The following ST6GAL2 variants were observed in gnomAD, a reference collection of about 807,000 sequenced individuals.
The protein encoded by ST6GAL2 is ST6 beta-galactoside alpha-2,6-sialyltransferase 2, also known as beta-galactoside alpha-2,6-sialyltransferase 2.
In ST6GAL2, 24 loss-of-function variants were observed where a neutral mutation model predicts 37.5. That is an observed-to-expected ratio of 0.64 (90% CI 0.46 to 0.90). ST6GAL2 has a LOEUF of 0.90. Ranked by LOEUF, ST6GAL2 falls within the 40% of genes least tolerant of loss-of-function variation. The probability of loss-of-function intolerance (pLI) is 0.00; values close to 1 mark genes in which losing one functional copy is unlikely to be tolerated. For synonymous variants in ST6GAL2, 306 were observed against 295.1 expected, an observed-to-expected ratio of 1.04 and a Z score of -0.38; for missense variants, 715 against 712.7, an observed-to-expected ratio of 1.00 and a Z score of -0.04.
At chr2:106,866,462 T>G (rs546271347) in intron 1 of ST6GAL2, among the ~76,000 whole-genome samples, 1 of 152,210 alleles carries the variant, frequency 6.6e-6, no homozygotes, top group Non-Finnish European at 1.5e-5. Flanking sequence ...TGATGCCTCA[T>G]GAGCACAGGA....
chr2:106,886,580 GC>G (rs1679006353), upstream of ST6GAL2: 2 of 151,908 alleles, frequency 1.3e-5, no homozygotes, highest in Admixed American at 1.3e-4. Context: ...GGCTCCCGCG[GC>G]CAGAGGAACC....
At chr2:106,880,384 T>C (rs538708356) in intron 1 of ST6GAL2, among the ~76,000 whole-genome samples, 2 of 152,280 alleles carry the variant, frequency 1.3e-5, no homozygotes, top group Admixed American at 1.3e-4. Flanking sequence ...AGCTAACCAA[T>C]ATGTAGGATT....
chr2:106,861,250 A>G (rs543140233), intron 1 of ST6GAL2, among the ~76,000 whole-genome samples: 1 of 152,320 alleles, frequency 6.6e-6, no homozygotes, highest in East Asian at 1.9e-4. Context: ...TCCATATTAA[A>G]CAAGTAATCT....
chr2:106,874,927 G>T (rs997638593), intron 1 of ST6GAL2, among the ~76,000 whole-genome samples: 1 of 152,156 alleles, frequency 6.6e-6, no homozygotes, highest in Non-Finnish European at 1.5e-5. Context: ...GAACCTTAAC[G>T]CTGTGTCAAC....
intron 1 of ST6GAL2, among the ~76,000 whole-genome samples, chr2:106,875,996 C>T (rs1038254138): frequency 2.6e-5 from 4 of 152,090 alleles, no homozygotes; most frequent in African/African-American, 9.7e-5. Context: ...GATGAGGTCT[C>T]GTTCTGTCCC....
chr2:106,846,660 G>A (rs1677155957), intron 1 of ST6GAL2, among the ~76,000 whole-genome samples: 1 of 152,112 alleles, frequency 6.6e-6, no homozygotes, highest in Non-Finnish European at 1.5e-5. Flanking sequence ...TTTAAACTGT[G>A]TTTACTTTAT....
chr2:106,837,873 T>A (rs1482318440), intron 2 of ST6GAL2, among the ~76,000 whole-genome samples: 1 of 152,216 alleles, frequency 6.6e-6, no homozygotes, highest in Non-Finnish European at 1.5e-5. Context: ...TAACGCAGTG[T>A]AATTCCTTTG....
intron 1 of ST6GAL2, among the ~76,000 whole-genome samples, chr2:106,863,768 G>A (rs968831724): frequency 4.6e-5 from 7 of 152,202 alleles, no homozygotes; most frequent in Non-Finnish European, 8.8e-5. Context: ...TGTGGGGATC[G>A]ATAGAGACTG....
At chr2:106,813,213 T>C in intron 5 of ST6GAL2, 3 of 1,374,490 alleles carry the variant, frequency 2.2e-6, no homozygotes, top group Non-Finnish European at 2.8e-6. Context: ...TGGCCAATTT[T>C]TACAAATGAG....
rs10221796 is a variant in ST6GAL2 at position 106,852,585 on chromosome 2, C to G, written c.-57-8551G>C. Among the ~76,000 whole-genome samples the G allele has an allele frequency of 9.1e-4, 138 of 152,332 alleles. 1 individual carries two copies. The highest frequency in any genetic ancestry group is 3.2e-3 in the African/African-American group (132 of 41,574). On this transcript the variant is annotated intron_variant, in intron 1 of 5. Coordinates refer to ENST00000409382, the MANE Select transcript of ST6GAL2 (RefSeq NM_001142351.2). ...GCCTGTGGAAGGTTCCCAGTAAATACTCCTGCAATCAATGAATGTCTGAAA... is the reference window on the plus strand; with the variant it reads ...GCCTGTGGAAGGTTCCCAGTAAATAGTCCTGCAATCAATGAATGTCTGAAA...
intron 1 of ST6GAL2, among the ~76,000 whole-genome samples, chr2:106,867,737 T>G (rs925231011): frequency 2.0e-5 from 3 of 151,956 alleles, no homozygotes; most frequent in Non-Finnish European, 4.4e-5. Flanking sequence ...GAGCACTGGT[T>G]GTAAGTAGGC....
chr2:106,818,309 AGT>A lies in ST6GAL2; in HGVS notation c.1319-11362_1319-11361del, dbSNP rs374558875. ...TTCAAAACTTATCCAGTACAGTCCC[AGT>A]GATGGTGGTCACAGAGGTGCTTTTG... is the stretch of plus-strand genomic sequence containing the variant. On this transcript the variant is annotated intron_variant, in intron 5 of 5. Transcript: ENST00000409382. 2.5e-3 allele frequency among the ~76,000 whole-genome samples: 385 copies of A among 152,346 alleles called. 2 individuals carry two copies. Among genetic ancestry groups the A allele is most frequent in the African/African-American group, 8.8e-3 (364 of 41,590 alleles).
chr2:106,874,004 G>C (rs1678388750), intron 1 of ST6GAL2, among the ~76,000 whole-genome samples: 1 of 152,210 alleles, frequency 6.6e-6, no homozygotes. Context: ...GGAGTGGACA[G>C]CCATCCTTTC....
intron 5 of ST6GAL2, among the ~76,000 whole-genome samples, chr2:106,817,186 G>T (rs777363109): frequency 3.3e-5 from 5 of 152,210 alleles, no homozygotes; most frequent in Non-Finnish European, 7.3e-5. Context: ...GCTGTGCTGG[G>T]CTCAGAGCCA....
At chr2:106,860,998 G>A (rs1334001716) in intron 1 of ST6GAL2, among the ~76,000 whole-genome samples, 1 of 152,140 alleles carries the variant, frequency 6.6e-6, no homozygotes, top group East Asian at 1.9e-4. Flanking sequence ...ACACACTTAG[G>A]AGGCACCCCC....
intron 1 of ST6GAL2, among the ~76,000 whole-genome samples, chr2:106,880,077 T>A (rs943246701): frequency 6.6e-6 from 1 of 151,452 alleles, no homozygotes; most frequent in East Asian, 1.9e-4. Context: ...TCTATACATA[T>A]ATTGACATAC....
intron 1 of ST6GAL2, among the ~76,000 whole-genome samples, chr2:106,865,416 A>T (rs1261931228): frequency 6.6e-6 from 1 of 152,208 alleles, no homozygotes; most frequent in Admixed American, 6.5e-5. Context: ...ACAAAACAGT[A>T]TGTGTCTACG....
intron 1 of ST6GAL2, among the ~76,000 whole-genome samples, chr2:106,867,675 G>A (rs1337820609): frequency 6.6e-6 from 1 of 151,966 alleles, no homozygotes; most frequent in East Asian, 1.9e-4. Context: ...TAATCTTTCA[G>A]GGCACAGTGT....
intron 1 of ST6GAL2, among the ~76,000 whole-genome samples, chr2:106,863,000 TCTA>T (rs1677871992): frequency 6.9e-6 from 1 of 144,470 alleles, no homozygotes; most frequent in Non-Finnish European, 1.5e-5. Context: ...TTTTTTTTTT[TCTA>T]TTAGAAAAGC....
Sources: allele counts gnomAD v4.1 joint callset (sites outside exome capture counted in the v4.1 genomes callset), GRCh38; gene constraint gnomAD v4.1.1; transcripts MANE v1.5; gene names NCBI Gene and HGNC (gene_info 2026-07-23, HGNC 2026-07-21).